The following UACA variants were observed in gnomAD, a reference collection of about 807,000 sequenced individuals.
UACA encodes the protein nuclear membrane binding protein.
UACA carries 112 observed loss-of-function variants against 160.5 expected under a neutral mutation model. That is an observed-to-expected ratio of 0.70 (90% CI 0.60 to 0.82). The LOEUF is 0.82. UACA is among the 40% of genes least tolerant of loss of function. UACA has a pLI of 0.00. For synonymous variants in UACA, 557 were observed against 568.4 expected, an observed-to-expected ratio of 0.98 and a Z score of 0.29; for missense variants, 1,574 against 1,614.6, an observed-to-expected ratio of 0.97 and a Z score of 0.43.
At chr15:70,740,251 C>T (rs188230431) in intron 1 of UACA, among the ~76,000 whole-genome samples, 2 of 152,160 alleles carry the variant, frequency 1.3e-5, no homozygotes, top group Admixed American at 6.5e-5. Flanking sequence ...CAAATATTCT[C>T]TAACATTCAT....
At chr15:70,743,865 A>G (rs1252079173) in intron 1 of UACA, among the ~76,000 whole-genome samples, 1 of 152,192 alleles carries the variant, frequency 6.6e-6, no homozygotes, top group African/African-American at 2.4e-5. Flanking sequence ...CTCCAGTTTC[A>G]TTTTAAGTAT....
rs1051517575 is a variant in UACA at position 70,755,910 on chromosome 15, ATTGTCTT to A, written c.78+7413_78+7419del. ...TTCTTTTGCTTGGAAAGCCACTGAA[ATTGTCTT>A]TCTGGCCCAAGCTCACACTCTACCT... On this transcript the variant is annotated intron_variant, in intron 1 of 18. Coordinates refer to ENST00000322954, the MANE Select transcript of UACA (RefSeq NM_018003.4). 3.3e-5 allele frequency among the ~76,000 whole-genome samples: 5 copies of A among 151,938 alleles called. 1 individual carries two copies. In the South Asian group the frequency reaches 8.3e-4, roughly 25 times the overall value.
At chr15:70,764,325 G>T (rs541336801), upstream of UACA, among the ~76,000 whole-genome samples, 21 of 152,240 alleles carry the variant, frequency 1.4e-4, no homozygotes, top group African/African-American at 5.1e-4. Context: ...TTTGTTTTCT[G>T]TAGAAACACA....
At chr15:70,686,311 T>C (rs1337186091) in intron 7 of UACA, among the ~76,000 whole-genome samples, 1 of 151,892 alleles carries the variant, frequency 6.6e-6, no homozygotes, top group Non-Finnish European at 1.5e-5. Flanking sequence ...TCAATACATA[T>C]AAGGTATACA....
intron 8 of UACA, among the ~76,000 whole-genome samples, chr15:70,684,043 T>C (rs1394452602): frequency 6.6e-6 from 1 of 151,926 alleles, no homozygotes; most frequent in African/African-American, 2.4e-5. Context: ...AGTGTCTTAG[T>C]GTTCACTGGA....
upstream of UACA, among the ~76,000 whole-genome samples, chr15:70,766,942 A>G (rs1269130761): frequency 2.6e-5 from 4 of 152,176 alleles, no homozygotes; most frequent in African/African-American, 7.2e-5. Context: ...GAAGAAGAAT[A>G]AAGAATCCAC....
intron 1 of UACA, among the ~76,000 whole-genome samples, chr15:70,736,969 T>C (rs1899388067): frequency 6.6e-6 from 1 of 152,208 alleles, no homozygotes; most frequent in Admixed American, 6.5e-5. Context: ...AGTTTACTAG[T>C]TATCAAATGC....
At chr15:70,707,924 T>G (rs1338982535) in intron 1 of UACA, among the ~76,000 whole-genome samples, 1 of 152,220 alleles carries the variant, frequency 6.6e-6, no homozygotes, top group Admixed American at 6.5e-5. Flanking sequence ...CTTCTGGGTA[T>G]ATATCCAAAT....
chr15:70,778,298 A>G, the UACA span, among the ~76,000 whole-genome samples: 1 of 152,372 alleles, frequency 6.6e-6, no homozygotes, highest in South Asian at 2.1e-4. Context: ...TCATAGCTGC[A>G]GCAAATCACC....
chr15:70,744,511 C>A (rs866090531), intron 1 of UACA, among the ~76,000 whole-genome samples: 10 of 152,054 alleles, frequency 6.6e-5, no homozygotes, highest in Non-Finnish European at 1.0e-4. Context: ...CTTCACCTCC[C>A]TAGCCAGAGA....
intron 1 of UACA, among the ~76,000 whole-genome samples, chr15:70,740,887 A>G (rs922801655): frequency 1.3e-5 from 2 of 151,576 alleles, no homozygotes; most frequent in African/African-American, 2.4e-5. Context: ...AGAAGTACAA[A>G]AATTAGCCAG....
chr15:70,663,849 T>A (rs1038901763), intron 17 of UACA, among the ~76,000 whole-genome samples: 4 of 113,650 alleles, frequency 3.5e-5, no homozygotes, highest in African/African-American at 1.4e-4. Context: ...AAGGGGAACA[T>A]CACACACTGG....
chr15:70,708,518 T>C (rs545442102), intron 1 of UACA, among the ~76,000 whole-genome samples: 141 of 151,808 alleles, frequency 9.3e-4, no homozygotes, highest in African/African-American at 3.3e-3. Context: ...TGGACTGCAA[T>C]GGCACAATAT....
intron 3 of UACA, among the ~76,000 whole-genome samples, chr15:70,691,878 T>A (rs1897951370): frequency 6.6e-6 from 1 of 152,146 alleles, no homozygotes; most frequent in African/African-American, 2.4e-5. Context: ...TAATTCTATC[T>A]CTGAAAATCA....
At chr15:70,721,680 C>T (rs186314061) in intron 1 of UACA, among the ~76,000 whole-genome samples, 5 of 151,668 alleles carry the variant, frequency 3.3e-5, no homozygotes, top group East Asian at 3.9e-4. Flanking sequence ...ATTAACCCAG[C>T]GCTTTGCACA....
At chr15:70,691,787 AAAGTT>A (rs1250510048) in intron 3 of UACA, among the ~76,000 whole-genome samples, 2 of 152,342 alleles carry the variant, frequency 1.3e-5, no homozygotes, top group Admixed American at 1.3e-4. Flanking sequence ...GAAAATTGAG[AAAGTT>A]AAGAAGCGTA....
At chr15:70,678,240 A>G (rs766307872) in intron 10 of UACA, 34 bp from the exon 11 acceptor site, 2 of 1,513,566 alleles carry the variant, frequency 1.3e-6, no homozygotes, top group Non-Finnish European at 1.8e-6. Context: ...TGCCAGGCCA[A>G]TCTTAAAAGA....
At chr15:70,699,479 A>C (rs760375442) in intron 2 of UACA, 48 bp downstream of exon 2, 4 of 1,593,260 alleles carry the variant, frequency 2.5e-6, no homozygotes, top group Non-Finnish European at 3.4e-6. Context: ...GTATCCCAAG[A>C]CTATCCAAAT....
chr15:70,712,931 T>C (rs1312156479), intron 1 of UACA, among the ~76,000 whole-genome samples: 7 of 152,346 alleles, frequency 4.6e-5, no homozygotes, highest in Non-Finnish European at 1.5e-5. Context: ...TGCAAACTTT[T>C]ATGAAGCATC....
Sources: gnomAD v4.1 joint callset for allele counts (sites outside exome capture counted in the v4.1 genomes callset) on GRCh38, gnomAD v4.1.1 for gene constraint, MANE v1.5 for transcripts, NCBI Gene and HGNC (gene_info 2026-07-23, HGNC 2026-07-21) for gene names.